The following DOCK10 variants were observed in gnomAD, a reference collection of about 807,000 sequenced individuals.
DOCK10 encodes dedicator of cytokinesis protein 10.
Under a neutral mutation model 280.1 loss-of-function variants are expected in DOCK10, and 145 were observed. The ratio of observed to expected loss-of-function variants is 0.52; its 90% CI spans 0.45 to 0.59. DOCK10 has a LOEUF of 0.59. Ranked by LOEUF, DOCK10 falls within the 20% of genes least tolerant of loss-of-function variation. The pLI is 0.00. For missense variants in DOCK10, 2,368 were observed against 2,651.7 expected (o/e 0.89, Z 2.35); for synonymous variants, 915 against 942.2 (o/e 0.97, Z 0.53).
intron 53 of DOCK10, among the ~76,000 whole-genome samples, chr2:224,772,361 C>T (rs997764544): frequency 3.9e-5 from 6 of 152,138 alleles, no homozygotes; most frequent in African/African-American, 1.4e-4. Context: ...TGCCTTATTC[C>T]TGAGTTGCTT....
chr2:224,946,196 T>C (rs1037779246), intron 1 of DOCK10, among the ~76,000 whole-genome samples: 2 of 152,254 alleles, frequency 1.3e-5, no homozygotes, highest in African/African-American at 4.8e-5. Context: ...CTACAGTTTA[T>C]AGATCTGTAA....
intron 1 of DOCK10, among the ~76,000 whole-genome samples, chr2:225,041,669 A>G (rs539936633): frequency 3.3e-5 from 5 of 152,196 alleles, no homozygotes; most frequent in Admixed American, 3.3e-4. Flanking sequence ...CCCTTTCTGG[A>G]GGAGTATTAA....
chr2:224,816,414 T>G (rs897362334), intron 30 of DOCK10, among the ~76,000 whole-genome samples: 2 of 152,092 alleles, frequency 1.3e-5, no homozygotes, highest in African/African-American at 4.8e-5. Flanking sequence ...TTGAGGAATA[T>G]GAAGCCATAT....
intron 14 of DOCK10, among the ~76,000 whole-genome samples, chr2:224,858,630 G>A (rs1020752437): frequency 8.5e-5 from 13 of 152,184 alleles, no homozygotes; most frequent in Admixed American, 6.5e-5. Flanking sequence ...CTTCAGCCTG[G>A]TGACAGAGCG....
intron 1 of DOCK10, among the ~76,000 whole-genome samples, chr2:225,009,019 T>G (rs995030942): frequency 1.3e-5 from 2 of 152,180 alleles, no homozygotes; most frequent in African/African-American, 4.8e-5. Flanking sequence ...GTGATAGATT[T>G]ACTAAAAATA....
At chr2:224,884,861 T>G (rs1354113524) in intron 7 of DOCK10, among the ~76,000 whole-genome samples, 1 of 152,230 alleles carries the variant, frequency 6.6e-6, no homozygotes, top group African/African-American at 2.4e-5. Context: ...TTGCATATTA[T>G]TTTACTGAAT....
At position 224,807,648 on chromosome 2, in the gene DOCK10, G is replaced by T; in HGVS notation, c.3702+20C>A. ...AAATTCTTTATTAACATAGAAATGT[G>T]ACATATTGTGCAAACGTACCTGATT... On this transcript the variant is annotated intron_variant, in intron 33 of 55. Coordinates refer to ENST00000258390, the MANE Select transcript of DOCK10 (RefSeq NM_014689.3). 2 of 1,405,498 alleles carry T rather than the reference G, an allele frequency of 1.4e-6. No individual in the cohort carries two copies. The highest frequency in any genetic ancestry group is 1.9e-6 in the Non-Finnish European group (2 of 1,026,564). 87.1% of individuals were successfully genotyped at this position (1,405,498 alleles called of 1,614,324 possible). A position where few individuals can be genotyped will look rare whatever the true frequency, so the allele number is the denominator to read the frequency against.
chr2:225,006,843 G>C (rs1248488507), intron 1 of DOCK10, among the ~76,000 whole-genome samples: 1 of 152,158 alleles, frequency 6.6e-6, no homozygotes, highest in Admixed American at 6.6e-5. Flanking sequence ...CCTTGAAAAG[G>C]GGGAAATAAA....
intron 55 of DOCK10, 38 bp from the exon 56 acceptor site, chr2:224,765,875 A>G: frequency 1.3e-6 from 2 of 1,504,416 alleles, no homozygotes; most frequent in Non-Finnish European, 1.8e-6. Flanking sequence ...CAGAATGCAG[A>G]GGTTAATGTT....
chr2:224,831,027 C>T (rs1032179093), intron 26 of DOCK10, among the ~76,000 whole-genome samples: 1 of 151,996 alleles, frequency 6.6e-6, no homozygotes, highest in Admixed American at 6.6e-5. Context: ...TTGAACTCTC[C>T]GGCTCAGGTG....
At chr2:225,014,871 C>G (rs145911752) in intron 1 of DOCK10, among the ~76,000 whole-genome samples, 1 of 152,076 alleles carries the variant, frequency 6.6e-6, no homozygotes, top group Non-Finnish European at 1.5e-5. Context: ...TCTAATTGGT[C>G]GTTAAAAATA....
chr2:224,831,400 A>G (rs1368884), intron 26 of DOCK10, among the ~76,000 whole-genome samples: 2 of 152,112 alleles, frequency 1.3e-5, no homozygotes, highest in African/African-American at 4.8e-5. Context: ...ACAAAACTTC[A>G]TAACACCTTG....
chr2:224,980,642 T>A (rs1023450174), intron 1 of DOCK10, among the ~76,000 whole-genome samples: 7 of 152,206 alleles, frequency 4.6e-5, no homozygotes, highest in Admixed American at 2.6e-4. Context: ...AGTCCAAGAT[T>A]TCCATCAGAC....
rs1208776389 is a variant in DOCK10 at position 224,786,558 on chromosome 2, T to C, written c.5655+464A>G. Among the ~76,000 whole-genome samples the C allele has an allele frequency of 6.6e-6, 1 of 152,086 alleles. No individual in the cohort carries two copies. Among genetic ancestry groups the C allele is most frequent in the Non-Finnish European group, 1.5e-5 (1 of 68,014 alleles). Reference sequence around the variant, plus strand: ...CATCTGGTATTTTGTCTAGAAACAGTGGTAGTTCGAAAATAGGAGAAAAGA... The same window carrying C: ...CATCTGGTATTTTGTCTAGAAACAGCGGTAGTTCGAAAATAGGAGAAAAGA... On this transcript the variant is annotated intron_variant, in intron 50 of 55. Coordinates refer to ENST00000258390, the MANE Select transcript of DOCK10 (RefSeq NM_014689.3). The surrounding 1 kb of genome is among the most constrained non-coding windows in gnomAD (Gnocchi z 4.7).
chr2:224,977,932 G>A (rs897111422), intron 1 of DOCK10, among the ~76,000 whole-genome samples: 1 of 152,188 alleles, frequency 6.6e-6, no homozygotes, highest in Non-Finnish European at 1.5e-5. Context: ...GCCTTCTGAA[G>A]GGTATCAATA....
chr2:224,919,641 GTGTT>G (rs1414904667), intron 2 of DOCK10, among the ~76,000 whole-genome samples: 6 of 146,804 alleles, frequency 4.1e-5, no homozygotes, highest in Non-Finnish European at 7.7e-5. Context: ...TGTGTGGTGA[GTGTT>G]GTGTGTGTGT....
intron 2 of DOCK10, among the ~76,000 whole-genome samples, chr2:224,923,000 C>T (rs1256058329): frequency 6.6e-6 from 1 of 152,128 alleles, no homozygotes; most frequent in Non-Finnish European, 1.5e-5. Flanking sequence ...GTCTTTTATT[C>T]TATTAGAGAA....
chr2:224,920,013 G>A (rs1701600701), intron 2 of DOCK10, among the ~76,000 whole-genome samples: 2 of 152,070 alleles, frequency 1.3e-5, no homozygotes, highest in South Asian at 2.1e-4. Context: ...ACAGGGAGCC[G>A]TTGCTTTGCA....
chr2:224,804,554 TTTC>T (rs1693256297), intron 38 of DOCK10, among the ~76,000 whole-genome samples: 2 of 152,076 alleles, frequency 1.3e-5, no homozygotes, highest in African/African-American at 4.8e-5. Flanking sequence ...GAAATGTGGT[TTTC>T]TTTCAAAAAT....
Sources: gnomAD v4.1 joint callset for allele counts (sites outside exome capture counted in the v4.1 genomes callset) on GRCh38, gnomAD v4.1.1 for gene constraint, Gnocchi (gnomAD v3.1) non-coding constraint, MANE v1.5 for transcripts, NCBI Gene and HGNC (gene_info 2026-07-23, HGNC 2026-07-21) for gene names.